TBC1D1: variants seen among roughly 807,000 people sequenced by gnomAD.
The protein encoded by TBC1D1 is TBC1 (tre-2/USP6, BUB2, cdc16) domain family, member 1.
In TBC1D1, 89 loss-of-function variants were observed where a neutral mutation model predicts 125.6. The observed-to-expected ratio is 0.71, with a 90% CI of 0.60 to 0.85. TBC1D1 has a LOEUF of 0.85. Ranked by LOEUF, TBC1D1 falls within the 40% of genes least tolerant of loss-of-function variation. The pLI, the probability that TBC1D1 is intolerant of heterozygous loss-of-function variation, is 0.00. For synonymous variants in TBC1D1, 565 were observed against 564.1 expected (o/e 1.00, Z -0.02); for missense variants, 1,377 against 1,469.2 (o/e 0.94, Z 1.03).
chr4:38,042,033 A>C (rs1748487438), intron 8 of TBC1D1, among the ~76,000 whole-genome samples: 1 of 151,950 alleles, frequency 6.6e-6, no homozygotes, highest in Non-Finnish European at 1.5e-5. Context: ...AAAATTAGCC[A>C]GATGTGGTGG....
At chr4:38,082,905 T>C (rs1375449366) in intron 12 of TBC1D1, among the ~76,000 whole-genome samples, 1 of 152,244 alleles carries the variant, frequency 6.6e-6, no homozygotes, top group Non-Finnish European at 1.5e-5. Context: ...CTTGGAAGTT[T>C]ACCCTAAATG....
chr4:37,957,120 C>T (rs1175342529), intron 2 of TBC1D1, among the ~76,000 whole-genome samples: 5 of 152,200 alleles, frequency 3.3e-5, no homozygotes, highest in African/African-American at 4.8e-5. Context: ...AGACTCCCTA[C>T]GTGAGATGGG....
intron 2 of TBC1D1, among the ~76,000 whole-genome samples, chr4:37,955,651 C>G (rs115440458): frequency 0.014 from 2,115 of 152,230 alleles, 24 homozygotes; most frequent in Non-Finnish European, 0.02. Flanking sequence ...GATGCGAAAC[C>G]CATGGGTAAA....
intron 2 of TBC1D1, among the ~76,000 whole-genome samples, chr4:37,975,473 G>A (rs150209261): frequency 1.3e-5 from 2 of 152,136 alleles, no homozygotes; most frequent in African/African-American, 4.8e-5. Context: ...TCCACAAGAG[G>A]TGGAGTAGTA....
intron 18 of TBC1D1, among the ~76,000 whole-genome samples, chr4:38,129,383 G>A (rs938128242): frequency 6.6e-6 from 1 of 152,232 alleles, no homozygotes; most frequent in Admixed American, 6.5e-5. Context: ...CAGGAGGGTG[G>A]GGCGTGGCGG....
chr4:37,986,969 G>C (rs1361527732), intron 2 of TBC1D1, among the ~76,000 whole-genome samples: 3 of 152,122 alleles, frequency 2.0e-5, no homozygotes, highest in Non-Finnish European at 4.4e-5. Flanking sequence ...GTCTAATGTG[G>C]CTGTTTAGCT....
At chr4:38,021,527 A>T in intron 5 of TBC1D1, 59 bp from the exon 6 acceptor site, 1 of 1,419,610 alleles carries the variant, frequency 7.0e-7, no homozygotes, top group Non-Finnish European at 9.3e-7. Flanking sequence ...CTGACATCTC[A>T]GCCCAGCTAA....
chr4:38,133,532 G>C, intron 19 of TBC1D1, among the ~76,000 whole-genome samples: 1 of 152,162 alleles, frequency 6.6e-6, no homozygotes, highest in South Asian at 2.1e-4. Context: ...AGATGAACTT[G>C]GATTCAGGAT....
chr4:38,051,064 C>G (rs375952679), intron 11 of TBC1D1, among the ~76,000 whole-genome samples: 1 of 152,230 alleles, frequency 6.6e-6, no homozygotes, highest in South Asian at 2.1e-4. Context: ...CCTGCCCACT[C>G]CTCTGTTGTT....
intron 2 of TBC1D1, among the ~76,000 whole-genome samples, chr4:37,904,808 G>A (rs544367423): frequency 2.0e-5 from 3 of 152,302 alleles, no homozygotes; most frequent in African/African-American, 7.2e-5. Flanking sequence ...TTTTGTTGTT[G>A]GAAACAGAAC....
At chr4:38,110,964 C>G (rs1050262872) in intron 15 of TBC1D1, among the ~76,000 whole-genome samples, 5 of 152,212 alleles carry the variant, frequency 3.3e-5, no homozygotes, top group African/African-American at 1.2e-4. Flanking sequence ...ACAAATGCAA[C>G]AAACAGTAAA....
At chr4:37,952,012 T>C (rs1337779270) in intron 2 of TBC1D1, 1 of 717,720 alleles carries the variant, frequency 1.4e-6, no homozygotes, top group East Asian at 2.7e-5. Flanking sequence ...ACAGTGCTCA[T>C]CATCACTGTA....
intron 6 of TBC1D1, among the ~76,000 whole-genome samples, chr4:38,025,922 T>C (rs1329151097): frequency 6.6e-6 from 1 of 152,188 alleles, no homozygotes; most frequent in Non-Finnish European, 1.5e-5. Flanking sequence ...TGCTCTTGTA[T>C]TGCAGCCACC....
At chr4:38,008,849 T>C (rs368952115) in intron 2 of TBC1D1, among the ~76,000 whole-genome samples, 1 of 152,206 alleles carries the variant, frequency 6.6e-6, no homozygotes. Flanking sequence ...TCACCTTATA[T>C]TGGAAATCAC....
chr4:38,134,532 G>C (rs1766156015), intron 19 of TBC1D1, among the ~76,000 whole-genome samples: 1 of 152,228 alleles, frequency 6.6e-6, no homozygotes, highest in South Asian at 2.1e-4. Flanking sequence ...ACACAGTGTA[G>C]GTGGTCATTT....
At chr4:37,996,472 G>T (rs1737827068) in intron 2 of TBC1D1, among the ~76,000 whole-genome samples, 1 of 152,214 alleles carries the variant, frequency 6.6e-6, no homozygotes, top group African/African-American at 2.4e-5. Context: ...GTTAAAGAAA[G>T]GGAGTGGTTA....
Position 38,041,733 on chromosome 4 carries a change from T to G in TBC1D1, c.1414-2629T>G, listed in dbSNP as rs141024908. ...TACAGTATGACACCATTCATTTAGT[T>G]TCAACTACATATCTTTTATGGACAC... On this transcript the variant is annotated intron_variant, in intron 8 of 19. Coordinates refer to ENST00000261439, the MANE Select transcript of TBC1D1 (RefSeq NM_015173.4). Among the ~76,000 whole-genome samples, 207 of 152,338 alleles carry G rather than the reference T, an allele frequency of 1.4e-3. 2 individuals carry two copies. Among genetic ancestry groups the G allele is most frequent in the Admixed American group, 4.7e-3 (72 of 15,306 alleles).
At chr4:37,919,347 T>TG (rs1421813589) in intron 2 of TBC1D1, among the ~76,000 whole-genome samples, 1 of 151,212 alleles carries the variant, frequency 6.6e-6, no homozygotes, top group Non-Finnish European at 1.5e-5. Context: ...TTTGTTTTTT[T>TG]TTTTTTTTGG....
At chr4:37,958,287 C>T (rs1729294232) in intron 2 of TBC1D1, among the ~76,000 whole-genome samples, 1 of 152,222 alleles carries the variant, frequency 6.6e-6, no homozygotes, top group Non-Finnish European at 1.5e-5. Flanking sequence ...ATTTTCATCT[C>T]TAACCAATAA....
Sources: allele counts gnomAD v4.1 joint callset (sites outside exome capture counted in the v4.1 genomes callset), GRCh38; gene constraint gnomAD v4.1.1; transcripts MANE v1.5; gene names NCBI Gene and HGNC (gene_info 2026-07-23, HGNC 2026-07-21).